PTPRT: variants seen among roughly 807,000 people sequenced by gnomAD.
PTPRT encodes the protein protein tyrosine phosphatase receptor type T.
In PTPRT, 56 loss-of-function variants were observed where a neutral mutation model predicts 176.8. That is an observed-to-expected ratio of 0.32 (90% confidence interval 0.26 to 0.40). PTPRT has a LOEUF of 0.40. PTPRT is among the 10% of genes least tolerant of loss of function. PTPRT has a pLI of 1.00. For synonymous variants in PTPRT, 783 were observed against 739.0 expected (o/e 1.06, Z -0.96); for missense variants, 1,540 against 1,908.2 (o/e 0.81, Z 3.60).
At chr20:42,754,834 G>C (rs1023185283) in intron 6 of PTPRT, among the ~76,000 whole-genome samples, 3 of 151,922 alleles carry the variant, frequency 2.0e-5, no homozygotes, top group Admixed American at 6.5e-5. Flanking sequence ...TTTTCAAGTT[G>C]AGCCTTGTGA....
the PTPRT span, among the ~76,000 whole-genome samples, chr20:42,045,318 A>C: frequency 2.6e-5 from 4 of 151,950 alleles, no homozygotes; most frequent in Non-Finnish European, 4.4e-5. Context: ...TGAATTTACT[A>C]ATTTAACAAC....
rs1279316052 is a variant in PTPRT at position 42,634,032 on chromosome 20, TTA to T, written c.1153+43832_1153+43833del. Among the ~76,000 whole-genome samples the T allele has an allele frequency of 2.5e-4, 7 of 27,496 alleles. 1 individual carries two copies. The highest frequency in any genetic ancestry group is 0.045 in the Middle Eastern group (2 of 44). The allele number at this position is 27,496 out of a possible 152,430, so 18.0% of individuals were successfully genotyped here. A position where few individuals can be genotyped will look rare whatever the true frequency, so the allele number is the denominator to read the frequency against. On this transcript the variant is annotated intron_variant, in intron 7 of 30. Transcript: ENST00000373187. ...ATATAATATATATATAATATATATA[TTA>T]TATATATTATATATATATTATAAAT... is the stretch of plus-strand genomic sequence containing the variant.
chr20:42,554,817 T>C (rs2072831955), intron 7 of PTPRT, among the ~76,000 whole-genome samples: 1 of 152,180 alleles, frequency 6.6e-6, no homozygotes, highest in Admixed American at 6.5e-5. Context: ...TATTGAATGT[T>C]GGAAACAGAG....
chr20:42,760,074 T>G (rs967632413), intron 5 of PTPRT, among the ~76,000 whole-genome samples: 1 of 152,174 alleles, frequency 6.6e-6, no homozygotes, highest in East Asian at 1.9e-4. Flanking sequence ...TACCTTGTGG[T>G]TGAACTACTG....
intron 9 of PTPRT, among the ~76,000 whole-genome samples, chr20:42,372,684 T>C (rs1454943659): frequency 1.3e-5 from 2 of 152,120 alleles, no homozygotes; most frequent in Non-Finnish European, 2.9e-5. Flanking sequence ...AACCTAACTC[T>C]GAAAAAGATA....
chr20:42,100,363 A>G (rs1015087055), intron 26 of PTPRT, among the ~76,000 whole-genome samples: 4 of 152,132 alleles, frequency 2.6e-5, no homozygotes, highest in African/African-American at 9.7e-5. Context: ...AGGACTTCAT[A>G]TTTTTCTGCT....
chr20:43,147,434 T>C (rs1035024851), intron 1 of PTPRT, among the ~76,000 whole-genome samples: 4 of 152,098 alleles, frequency 2.6e-5, no homozygotes, highest in African/African-American at 9.7e-5. Context: ...CAGAAATCCC[T>C]CAACAACTCA....
intron 19 of PTPRT, among the ~76,000 whole-genome samples, chr20:42,127,394 C>CTG (rs1987910752): frequency 6.6e-6 from 1 of 152,020 alleles, no homozygotes; most frequent in African/African-American, 2.4e-5. Context: ...GTCTGTCTGT[C>CTG]TCTCTCTCTT....
At chr20:42,649,280 G>C (rs892396603) in intron 7 of PTPRT, among the ~76,000 whole-genome samples, 1 of 152,102 alleles carries the variant, frequency 6.6e-6, no homozygotes, top group South Asian at 2.1e-4. Context: ...ATCAGATCTC[G>C]TGAGGCTTAT....
chr20:43,162,181 G>C (rs1293134109), intron 1 of PTPRT, among the ~76,000 whole-genome samples: 1 of 152,106 alleles, frequency 6.6e-6, no homozygotes, highest in Non-Finnish European at 1.5e-5. Context: ...ACTGACTCTC[G>C]ATGGCAAGAG....
chr20:42,621,768 T>C (rs2081047788), intron 7 of PTPRT, among the ~76,000 whole-genome samples: 1 of 152,224 alleles, frequency 6.6e-6, no homozygotes, highest in Admixed American at 6.5e-5. Context: ...GACTCTCAAA[T>C]GTCTACTTCC....
rs367744176 is a variant in PTPRT at position 43,172,054 on chromosome 20, G to C, written c.88+17592C>G. On this transcript the variant is annotated intron_variant, in intron 1 of 30. Transcript: ENST00000373187. ...CCCCTTGCCCCTTTTCACATTAAAG[G>C]GTTCAAAACCTCACTGAGGCTTCCC... 4.2e-4 allele frequency among the ~76,000 whole-genome samples: 64 copies of C among 152,248 alleles called. No homozygotes were observed. The South Asian group carries it at 0.012, about 29-fold the overall frequency.
chr20:42,328,752 G>T (rs2057921428), intron 11 of PTPRT, among the ~76,000 whole-genome samples: 1 of 151,948 alleles, frequency 6.6e-6, no homozygotes, highest in Non-Finnish European at 1.5e-5. Context: ...TAGACAAAAA[G>T]TTCAGCTATT....
intron 17 of PTPRT, among the ~76,000 whole-genome samples, chr20:42,154,958 C>G (rs6016701): frequency 6.6e-6 from 1 of 152,120 alleles, no homozygotes; most frequent in Non-Finnish European, 1.5e-5. Context: ...ATCACATGCC[C>G]TTTCATCAGC....
intron 9 of PTPRT, among the ~76,000 whole-genome samples, chr20:42,358,804 G>A (rs1372908072): frequency 6.6e-6 from 1 of 152,168 alleles, no homozygotes; most frequent in Admixed American, 6.5e-5. Flanking sequence ...TATTCTTCCT[G>A]GCAGACACAG....
intron 1 of PTPRT, among the ~76,000 whole-genome samples, chr20:42,931,949 C>T (rs565099961): frequency 1.3e-5 from 2 of 152,300 alleles, no homozygotes; most frequent in African/African-American, 4.8e-5. Flanking sequence ...AACATGTGTC[C>T]TGACTGAATC....
chr20:42,179,295 GT>G (rs1990420156), intron 16 of PTPRT, among the ~76,000 whole-genome samples: 1 of 152,122 alleles, frequency 6.6e-6, no homozygotes, highest in African/African-American at 2.4e-5. Context: ...CTTAATAAAA[GT>G]TTTTTAATTC....
chr20:42,892,739 C>T (rs2079216813), intron 1 of PTPRT, among the ~76,000 whole-genome samples: 1 of 152,132 alleles, frequency 6.6e-6, no homozygotes. Context: ...GCACTGGGGA[C>T]CCTGGGGTGG....
chr20:43,169,342 G>T (rs555659535), intron 1 of PTPRT, among the ~76,000 whole-genome samples: 83 of 152,204 alleles, frequency 5.5e-4, no homozygotes, highest in Non-Finnish European at 7.1e-4. Context: ...CATTATCATT[G>T]TCATGACTGC....
Sources: allele counts gnomAD v4.1 joint callset (sites outside exome capture counted in the v4.1 genomes callset), GRCh38; gene constraint gnomAD v4.1.1; transcripts MANE v1.5; gene names NCBI Gene and HGNC (gene_info 2026-07-23, HGNC 2026-07-21).